The following PRR5L variants were observed in gnomAD, a reference collection of about 807,000 sequenced individuals.
The protein encoded by PRR5L is proline-rich protein 5-like.
PRR5L carries 21 observed loss-of-function variants against 36.4 expected under a neutral mutation model. The observed-to-expected ratio is 0.58, with a 90% CI of 0.41 to 0.83. PRR5L has a LOEUF of 0.83. Among genes scored for constraint, PRR5L ranks in the 40% least tolerant of loss-of-function variants. The pLI is 0.00. For synonymous variants in PRR5L, 188 were observed against 197.0 expected (o/e 0.95, Z 0.38); for missense variants, 381 against 473.3 (o/e 0.80, Z 1.81).
At chr11:36,361,577 T>C (rs1489266058) in intron 1 of PRR5L, among the ~76,000 whole-genome samples, 1 of 152,206 alleles carries the variant, frequency 6.6e-6, no homozygotes, top group Non-Finnish European at 1.5e-5. Flanking sequence ...CACTGATCTC[T>C]AGGTATTTAC....
chr11:36,362,505 A>G (rs1180353661), intron 1 of PRR5L, among the ~76,000 whole-genome samples: 7 of 152,026 alleles, frequency 4.6e-5, no homozygotes, highest in Admixed American at 4.6e-4. Context: ...TCTTTACCCC[A>G]GGAACAAATC....
chr11:36,337,668 T>C (rs769530167), intron 1 of PRR5L, among the ~76,000 whole-genome samples: 39 of 152,238 alleles, frequency 2.6e-4, no homozygotes, highest in Admixed American at 2.6e-4. Flanking sequence ...GCGTCCTTCC[T>C]GCACAGTTGC....
chr11:36,457,461 C>T (rs570795602), intron 8 of PRR5L, among the ~76,000 whole-genome samples: 1 of 152,144 alleles, frequency 6.6e-6, no homozygotes, highest in East Asian at 1.9e-4. Context: ...AAAAAATTAG[C>T]TGGGTGTGGT....
At chr11:36,346,722 T>C (rs2133484725) in intron 1 of PRR5L, among the ~76,000 whole-genome samples, 1 of 152,258 alleles carries the variant, frequency 6.6e-6, no homozygotes, top group East Asian at 1.9e-4. Context: ...ACTAGATAGC[T>C]TTTAAAAGAA....
chr11:36,319,020 C>G (rs1856587207), intron 1 of PRR5L, among the ~76,000 whole-genome samples: 1 of 152,164 alleles, frequency 6.6e-6, no homozygotes, highest in African/African-American at 2.4e-5. Flanking sequence ...CATTAATACT[C>G]ATCACTTTTT....
At chr11:36,301,587 G>A (rs1856377429) in intron 1 of PRR5L, among the ~76,000 whole-genome samples, 1 of 152,136 alleles carries the variant, frequency 6.6e-6, no homozygotes, top group African/African-American at 2.4e-5. Context: ...CTTCCCAGCT[G>A]GAGGAAGTGG....
At position 36,351,648 on chromosome 11, in the gene PRR5L, TA is replaced by T. The variant is rs1856969091; in HGVS notation, c.-125-49348del. Reference sequence around the variant, plus strand: ...ATATTTATATAAATATATATTTATATATTTATATAAATATATATTTATATAC... The same window carrying T: ...ATATTTATATAAATATATATTTATATTTTATATAAATATATATTTATATAC... On this transcript the variant is annotated intron_variant, in intron 1 of 8. Transcript: ENST00000530639. Among the ~76,000 whole-genome samples the T allele has an allele frequency of 1.5e-4, 2 of 13,688 alleles. 1 individual carries two copies. The highest frequency in any genetic ancestry group is 0.029 in the East Asian group (2 of 70). 9.0% of individuals were successfully genotyped at this position (13,688 alleles called of 152,430 possible).
At chr11:36,349,291 A>G (rs1235575853) in intron 1 of PRR5L, among the ~76,000 whole-genome samples, 1 of 151,602 alleles carries the variant, frequency 6.6e-6, no homozygotes. Context: ...AAAAAAAAAA[A>G]AAAAAGAAAA....
chr11:36,432,804 C>T (rs930507945), intron 5 of PRR5L, among the ~76,000 whole-genome samples: 3 of 152,100 alleles, frequency 2.0e-5, no homozygotes, highest in African/African-American at 7.2e-5. Flanking sequence ...ATGTCATCAT[C>T]CTTTTGTTTC....
At chr11:36,334,051 C>A (rs1856745209) in intron 1 of PRR5L, among the ~76,000 whole-genome samples, 1 of 152,112 alleles carries the variant, frequency 6.6e-6, no homozygotes, top group African/African-American at 2.4e-5. Context: ...CAGGCTGCAC[C>A]ATGGAGGAAG....
chr11:36,455,666 G>C (rs973695452), intron 8 of PRR5L, among the ~76,000 whole-genome samples: 1 of 152,314 alleles, frequency 6.6e-6, no homozygotes, highest in South Asian at 2.1e-4. Flanking sequence ...TGGGTGACAG[G>C]GCCCTGCCTT....
chr11:36,352,297 T>C (rs1331925841), intron 1 of PRR5L, among the ~76,000 whole-genome samples: 1 of 152,186 alleles, frequency 6.6e-6, no homozygotes, highest in Non-Finnish European at 1.5e-5. Context: ...GTTTTTTGTT[T>C]TTTCTTGCTA....
intron 8 of PRR5L, among the ~76,000 whole-genome samples, chr11:36,457,179 C>A (rs1466103918): frequency 6.6e-6 from 1 of 152,228 alleles, no homozygotes; most frequent in African/African-American, 2.4e-5. Flanking sequence ...ATTTCCTGTT[C>A]TCTCGATTTA....
At chr11:36,418,735 G>A (rs1858201020) in intron 3 of PRR5L, among the ~76,000 whole-genome samples, 1 of 152,094 alleles carries the variant, frequency 6.6e-6, no homozygotes, top group Admixed American at 6.5e-5. Context: ...GGCGGAGCTT[G>A]CAGTGAGCCA....
intron 1 of PRR5L, among the ~76,000 whole-genome samples, chr11:36,379,050 G>T (rs1044210254): frequency 1.3e-5 from 2 of 152,072 alleles, no homozygotes; most frequent in Non-Finnish European, 2.9e-5. Flanking sequence ...TTACAAATTG[G>T]CTCAGTTATT....
chr11:36,380,168 G>A (rs981145420), intron 1 of PRR5L, among the ~76,000 whole-genome samples: 1 of 152,172 alleles, frequency 6.6e-6, no homozygotes, highest in Non-Finnish European at 1.5e-5. Flanking sequence ...GACAGGAGGT[G>A]GGTGAACAAT....
At chr11:36,316,306 C>T (rs1332455392) in intron 1 of PRR5L, among the ~76,000 whole-genome samples, 1 of 152,148 alleles carries the variant, frequency 6.6e-6, no homozygotes, top group African/African-American at 2.4e-5. Flanking sequence ...CTTCTTTAAC[C>T]ATCTGATGGG....
intron 3 of PRR5L, among the ~76,000 whole-genome samples, chr11:36,415,116 C>A (rs535634072): frequency 1.5e-4 from 22 of 151,590 alleles, no homozygotes; most frequent in Non-Finnish European, 3.1e-4. Flanking sequence ...TTACTGTAGC[C>A]TTGTAGTATA....
intron 1 of PRR5L, among the ~76,000 whole-genome samples, chr11:36,369,412 A>G (rs1393137256): frequency 6.6e-6 from 1 of 152,120 alleles, no homozygotes; most frequent in Non-Finnish European, 1.5e-5. Context: ...TCAGGTGCCC[A>G]GTCCCAGGAC....
Sources: allele counts gnomAD v4.1 joint callset (sites outside exome capture counted in the v4.1 genomes callset), GRCh38; gene constraint gnomAD v4.1.1; transcripts MANE v1.5; gene names NCBI Gene and HGNC (gene_info 2026-07-23, HGNC 2026-07-21).